Variants in CETP observed in about 807,000 individuals in gnomAD.
The protein encoded by CETP is BPI fold containing family F.
A neutral mutation model predicts 66.5 loss-of-function variants in CETP; 56 were observed. The ratio of observed to expected loss-of-function variants is 0.84; its 90% CI spans 0.68 to 1.05. The LOEUF is 1.05. CETP is among the 50% of genes least tolerant of loss of function. The pLI, the probability that CETP is intolerant of heterozygous loss-of-function variation, is 0.00. For synonymous variants in CETP, 251 were observed against 245.7 expected, an observed-to-expected ratio of 1.02 and a Z score of -0.20; for missense variants, 612 against 609.6, an observed-to-expected ratio of 1.00 and a Z score of -0.04.
In CETP at chr16:56,983,799, C is replaced by T. The variant is rs752009695; in HGVS notation, c.*133C>T. ...CGGAGATGGAGATTGGCTCCCAACTCCTCCCTATCCTAAAGGCCCACTGGC... is the reference window on the plus strand; with the variant it reads ...CGGAGATGGAGATTGGCTCCCAACTTCTCCCTATCCTAAAGGCCCACTGGC... On this transcript the variant is annotated 3_prime_UTR_variant, in exon 16 of 16. Transcript: ENST00000200676. The T allele has an allele frequency of 1.1e-5, 9 of 824,058 alleles. No individual in the cohort carries two copies. Among genetic ancestry groups the T allele is most frequent in the African/African-American group, 1.7e-5 (1 of 59,808 alleles). 51.0% of individuals were successfully genotyped at this position (824,058 alleles called of 1,614,324 possible). A position where few individuals can be genotyped will look rare whatever the true frequency, so the allele number is the denominator to read the frequency against.
intron 10 of CETP, among the ~76,000 whole-genome samples, chr16:56,977,426 C>T (rs1305463636): frequency 6.6e-6 from 1 of 152,130 alleles, no homozygotes; most frequent in African/African-American, 2.4e-5. Context: ...TCCACACTGT[C>T]CCCTCTGCCA....
In CETP at chr16:56,981,164, G is replaced by A. The variant is rs34855278; in HGVS notation, c.1153G>A (p.Val385Met). The change falls in exon 12 of 16, where the codon GTG becomes ATG. Residue 385 changes from valine to methionine, a missense_variant. Coordinates refer to ENST00000200676, the MANE Select transcript of CETP (RefSeq NM_000078.3). ...ATTTGGTTTCTCTCCCCAGGATATC[G>A]TGACTACCGTCCAGGCCTCCTATTC... ...SVAYTFEEDI[V>M]TTVQASYSKK... 2,310 of 1,613,138 alleles carry A rather than the reference G, an allele frequency of 1.4e-3. 3 individuals carry two copies. Among genetic ancestry groups the A allele is most frequent in the African/African-American group, 5.2e-3 (393 of 75,028 alleles).
At chr16:56,977,361 C>T (rs1567474499) in intron 10 of CETP, among the ~76,000 whole-genome samples, 1 of 152,156 alleles carries the variant, frequency 6.6e-6, no homozygotes, top group Non-Finnish European at 1.5e-5. Context: ...TCCCCAGCCC[C>T]GCTGGCTGCC....
intron 9 of CETP, among the ~76,000 whole-genome samples, 184 bp downstream of exon 9, chr16:56,973,694 G>C (rs1300656076): frequency 1.3e-5 from 2 of 152,206 alleles, no homozygotes; most frequent in East Asian, 3.8e-4. Context: ...CCAATCCTTT[G>C]GGAGGCTGAG....
chr16:56,979,618 C>T (rs1425683980), intron 11 of CETP, among the ~76,000 whole-genome samples: 10 of 151,662 alleles, frequency 6.6e-5, no homozygotes, highest in Non-Finnish European at 1.0e-4. Context: ...TCAAGCGATT[C>T]GCGTGCCTCA....
At chr16:56,971,456 C>A in intron 7 of CETP, 75 bp downstream of exon 7, 1 of 1,287,824 alleles carries the variant, frequency 7.8e-7, no homozygotes, top group Non-Finnish European at 1.1e-6. Context: ...ACTATGTGGC[C>A]TTGGGACTGT....
intron 14 of CETP, 66 bp downstream of exon 14, chr16:56,982,303 G>A (rs2056194607): frequency 6.7e-7 from 1 of 1,489,624 alleles, no homozygotes; most frequent in Non-Finnish European, 9.4e-7. Flanking sequence ...CACCTTGTGG[G>A]CCCTTCCCAG....
chr16:56,964,090 G>A (rs1056242058), intron 2 of CETP, among the ~76,000 whole-genome samples: 3 of 150,266 alleles, frequency 2.0e-5, no homozygotes, highest in Non-Finnish European at 4.4e-5. Flanking sequence ...GCAGTGGCAC[G>A]ATCTCAGCTC....
intron 11 of CETP, among the ~76,000 whole-genome samples, chr16:56,980,117 G>T (rs2056177481): frequency 6.6e-6 from 1 of 152,166 alleles, no homozygotes; most frequent in Non-Finnish European, 1.5e-5. Context: ...ATTAACATTG[G>T]TGCATGACTG....
At chr16:56,962,941 C>A in intron 1 of CETP, 69 bp from the exon 2 acceptor site, 2 of 1,389,894 alleles carry the variant, frequency 1.4e-6, no homozygotes, top group Non-Finnish European at 2.0e-6. Flanking sequence ...ATGGCCAAGG[C>A]CAGTTGGGGG....
In CETP at chr16:56,966,541, C is replaced by T. The variant is rs540462466; in HGVS notation, c.234-2845C>T. On this transcript the variant is annotated intron_variant, in intron 2 of 15. Coordinates refer to ENST00000200676, the MANE Select transcript of CETP (RefSeq NM_000078.3). ...CCCTGTGCTGTTCTCTTCCTCCACC[C>T]GGCATCTCCCCTGCAGCCCGGCTGG... Among the ~76,000 whole-genome samples the T allele has an allele frequency of 9.2e-5, 14 of 152,282 alleles. No homozygotes were observed. The South Asian group carries it at 2.3e-3, about 25-fold the overall frequency.
intron 8 of CETP, among the ~76,000 whole-genome samples, chr16:56,972,801 G>A (rs1481485908): frequency 6.6e-5 from 10 of 152,232 alleles, no homozygotes; most frequent in South Asian, 4.1e-4. Flanking sequence ...ACTTTAGGGC[G>A]GACCCAGCCA....
intron 9 of CETP, among the ~76,000 whole-genome samples, chr16:56,973,859 G>C (rs1321285924): frequency 2.6e-5 from 4 of 152,260 alleles, no homozygotes; most frequent in Middle Eastern, 6.3e-3. Flanking sequence ...ACAACTCTAA[G>C]GGGGTCTGCA....
chr16:56,966,488 C>T (rs966599980), intron 2 of CETP, among the ~76,000 whole-genome samples: 10 of 152,180 alleles, frequency 6.6e-5, no homozygotes, highest in Non-Finnish European at 1.0e-4. Context: ...CAGCTTCGTG[C>T]TAGAATCTGT....
At position 56,969,601 on chromosome 16, in the gene CETP, C is replaced by T. The variant is rs2056093654; in HGVS notation, c.369-10C>T. 4.3e-6 allele frequency: 7 copies of T among 1,614,250 alleles called. No homozygotes were observed. On this transcript the variant is annotated splice_polypyrimidine_tract_variant and intron_variant, in intron 3 of 15. Coordinates refer to ENST00000200676, the MANE Select transcript of CETP (RefSeq NM_000078.3). ...CTGAATGAGGGTCCTGGGTCCTTGG[C>T]TCTTTCCAGGCTGGGTATTGATCAG...
At position 56,969,900 on chromosome 16, in the gene CETP, G is replaced by A. The variant is rs201660416; in HGVS notation, c.440-14G>A. 9.3e-6 allele frequency: 15 copies of A among 1,613,034 alleles called. No homozygotes were observed. Among genetic ancestry groups the A allele is most frequent in the Admixed American group, 6.7e-5 (4 of 59,944 alleles). On this transcript the variant is annotated splice_polypyrimidine_tract_variant and intron_variant, in intron 4 of 15. Coordinates refer to ENST00000200676, the MANE Select transcript of CETP (RefSeq NM_000078.3). Reference sequence around the variant, plus strand: ...GCGGAGGCTGCCCTGAGGTCATGTCGGGTCTCCCTGCAGCCTGTGACTCTG... The same window carrying A: ...GCGGAGGCTGCCCTGAGGTCATGTCAGGTCTCCCTGCAGCCTGTGACTCTG...
intron 11 of CETP, among the ~76,000 whole-genome samples, chr16:56,979,185 C>T (rs1359055361): frequency 1.3e-5 from 2 of 152,162 alleles, no homozygotes; most frequent in Non-Finnish European, 2.9e-5. Context: ...GAGTCCACAA[C>T]CCTTTATTCA....
Position 56,971,103 on chromosome 16 carries a change from G to T in CETP, c.597+1G>T, listed in dbSNP as rs777194816. ...CCTGAAGCTGGTCCTGAAGGGACAG[G>T]TGAGTGAGGCTGGCTGACTCCCTGT... On this transcript the variant is annotated splice_donor_variant, in intron 6 of 15. Coordinates refer to ENST00000200676, the MANE Select transcript of CETP (RefSeq NM_000078.3). LOFTEE classifies it high-confidence loss of function. The T allele has an allele frequency of 6.2e-7, 1 of 1,613,970 alleles. No individual in the cohort carries two copies. Among genetic ancestry groups the T allele is most frequent in the South Asian group, 1.1e-5 (1 of 91,082 alleles).
intron 2 of CETP, among the ~76,000 whole-genome samples, chr16:56,966,977 G>A (rs186328589): frequency 6.6e-6 from 1 of 152,142 alleles, no homozygotes; most frequent in African/African-American, 2.4e-5. Flanking sequence ...CTGTGCGGAG[G>A]TCAAGAATTT....
Sources: allele counts gnomAD v4.1 joint callset (sites outside exome capture counted in the v4.1 genomes callset), GRCh38; gene constraint gnomAD v4.1.1; transcripts MANE v1.5; gene names NCBI Gene and HGNC (gene_info 2026-07-23, HGNC 2026-07-21).